The following ARHGAP5 variants were observed in gnomAD, a reference collection of about 807,000 sequenced individuals.
ARHGAP5 encodes Rho GTPase activating protein 5.
A neutral mutation model predicts 116.6 loss-of-function variants in ARHGAP5; 23 were observed. The observed-to-expected ratio is 0.20, with a 90% CI of 0.14 to 0.28. The LOEUF (loss-of-function observed/expected upper bound fraction) is 0.28. ARHGAP5 is among the 10% of genes least tolerant of loss of function. ARHGAP5 has a pLI of 1.00. For synonymous variants in ARHGAP5, 574 were observed against 602.0 expected (o/e 0.95, Z 0.68); for missense variants, 1,405 against 1,774.8 (o/e 0.79, Z 3.74).
rs150269761 is a variant in ARHGAP5, at chr14:32,139,921, A to G, written c.3866-6342A>G. ...CTTTTTTTTTTTCTAAAAGAAAAAT[A>G]AAAAGAAAACATTTATTTAAAACCA... On this transcript the variant is annotated intron_variant, in intron 3 of 6. Transcript: ENST00000345122. Among the ~76,000 whole-genome samples, 159 of 150,954 alleles carry G rather than the reference A, an allele frequency of 1.1e-3. 2 individuals carry two copies. The highest frequency in any genetic ancestry group is 3.6e-3 in the African/African-American group (148 of 41,440).
chr14:32,133,548 C>G, intron 3 of ARHGAP5, among the ~76,000 whole-genome samples: 1 of 152,132 alleles, frequency 6.6e-6, no homozygotes, highest in East Asian at 1.9e-4. Context: ...TTGACTTCCT[C>G]TTTTTCCTAA....
intron 2 of ARHGAP5, among the ~76,000 whole-genome samples, chr14:32,111,985 A>G (rs756622826): frequency 6.6e-6 from 1 of 151,170 alleles, no homozygotes. Flanking sequence ...TGCCCAGCTG[A>G]TTTTTGTATT....
intron 2 of ARHGAP5, among the ~76,000 whole-genome samples, chr14:32,099,836 G>A (rs1055463267): frequency 1.3e-5 from 2 of 152,130 alleles, no homozygotes; most frequent in African/African-American, 4.8e-5. Flanking sequence ...GGGCATTAAT[G>A]GCATCTAAGG....
chr14:32,140,087 G>GTTTT (rs1881028802), intron 3 of ARHGAP5, among the ~76,000 whole-genome samples: 11 of 29,850 alleles, frequency 3.7e-4, no homozygotes, highest in East Asian at 1.3e-3. Context: ...TTTTTTTTAG[G>GTTTT]TTATTTGTTC....
At chr14:32,153,304 G>A (rs997928831) in intron 6 of ARHGAP5, among the ~76,000 whole-genome samples, 9 of 147,010 alleles carry the variant, frequency 6.1e-5, no homozygotes, top group African/African-American at 2.2e-4. Context: ...TACTCAGGAG[G>A]CTTGGGGCGG....
rs182642686 is a variant in ARHGAP5, at chr14:32,121,096, C to T, written c.3865+3809C>T. On this transcript the variant is annotated intron_variant, in intron 3 of 6. Transcript: ENST00000345122. ...GCAGAGGTGTAACTTCAGCTAGTTG[C>T]AACCTCCACCTCCCCGGCTCAGGCA... Among the ~76,000 whole-genome samples, 641 of 138,740 alleles carry T rather than the reference C, an allele frequency of 4.6e-3. 1 individual carries two copies. The highest frequency in any genetic ancestry group is 6.6e-3 in the Non-Finnish European group (439 of 66,232). 91.0% of individuals were successfully genotyped at this position (138,740 alleles called of 152,430 possible). A position where few individuals can be genotyped will look rare whatever the true frequency, so the allele number is the denominator to read the frequency against.
intron 2 of ARHGAP5, among the ~76,000 whole-genome samples, chr14:32,116,318 C>T (rs1017184317): frequency 2.0e-5 from 3 of 150,292 alleles, no homozygotes; most frequent in South Asian, 2.1e-4. Context: ...AGGCTGGGCG[C>T]GGTGGCTCAC....
chr14:32,152,426 T>A lies in ARHGAP5; in HGVS notation c.4079T>A (p.Ile1360Asn), dbSNP rs1881679939. 1.3e-6 allele frequency: 2 copies of A among 1,586,934 alleles called. No homozygotes were observed. Among genetic ancestry groups the A allele is most frequent in the African/African-American group, 1.4e-5 (1 of 73,488 alleles). Reference protein sequence around the residue: ...LHPELLEAAKIPDKTERLHAL... With the variant: ...LHPELLEAAKNPDKTERLHAL... The stretch of plus-strand genomic sequence containing the variant: ...CTTCACTGTTTTAATTTTACAGAAA[T>A]CCCGGATAAAACAGAACGTCTTCAT... Residue 1360 changes from isoleucine (I) to asparagine (N), a missense_variant, in exon 6 of 7, where the codon ATC (isoleucine) becomes AAC (asparagine). By Grantham distance (149) the Ile-to-Asn change is moderately radical. Around this residue, in one of 6 missense-constraint regions of ARHGAP5, gnomAD observed 176 missense variants for 221.2 expected, o/e 0.80. Transcript: ENST00000345122.
At chr14:32,080,570 C>G (rs1220976997) in intron 1 of ARHGAP5, among the ~76,000 whole-genome samples, 2 of 151,738 alleles carry the variant, frequency 1.3e-5, no homozygotes, top group African/African-American at 4.8e-5. Flanking sequence ...TACTATGTGC[C>G]TAGCCCTGGA....
rs776755008 is a variant in ARHGAP5 at position 32,149,997 on chromosome 14, C to A, written c.4039C>A (p.Pro1347Thr). Residue 1347 changes from proline (P) to threonine (T), a missense_variant, in exon 5 of 7, where the codon CCA becomes ACA. Around this residue, in one of 6 missense-constraint regions of ARHGAP5, gnomAD observed 176 missense variants for 221.2 expected, o/e 0.80. Coordinates refer to ENST00000345122, the MANE Select transcript of ARHGAP5 (RefSeq NM_001030055.2). ...TGCAGATCTGCCAGATCCTTTAATT[C>A]CATATTCTCTTCATCCAGAACTATT... ...FFADLPDPLI[P>T]YSLHPELLEA... 28 of 1,607,392 alleles carry A rather than the reference C, an allele frequency of 1.7e-5. No homozygotes were observed. The highest frequency in any genetic ancestry group is 2.4e-5 in the Non-Finnish European group (28 of 1,176,980).
chr14:32,126,112 C>T (rs1880140994), intron 3 of ARHGAP5, among the ~76,000 whole-genome samples: 1 of 152,144 alleles, frequency 6.6e-6, no homozygotes, highest in South Asian at 2.1e-4. Flanking sequence ...GTGGCTTGAA[C>T]TTCCAGTGCA....
Position 32,157,350 on chromosome 14 carries a change from T to G in ARHGAP5, c.*2402T>G, listed in dbSNP as rs1415087358. The G allele has an allele frequency of 2.0e-5, 3 of 152,250 alleles. No homozygotes were observed. 9.4% of individuals were successfully genotyped at this position (152,250 alleles called of 1,614,324 possible). ...TAAGTTACTGGAAGGTTTCACTGTT[T>G]AGGGACCTATCATATGAGACTTCTT... On this transcript the variant is annotated 3_prime_UTR_variant, in exon 7 of 7. Coordinates refer to ENST00000345122, the MANE Select transcript of ARHGAP5 (RefSeq NM_001030055.2).
chr14:32,129,385 C>T (rs894603486), intron 3 of ARHGAP5, among the ~76,000 whole-genome samples: 6 of 152,122 alleles, frequency 3.9e-5, no homozygotes, highest in Admixed American at 6.5e-5. Context: ...TAATCTGGAA[C>T]GCCCCACTAT....
chr14:32,097,514 ACAT>A (rs1400265111), intron 2 of ARHGAP5, among the ~76,000 whole-genome samples: 1 of 152,186 alleles, frequency 6.6e-6, no homozygotes, highest in African/African-American at 2.4e-5. Flanking sequence ...TTTATAATAA[ACAT>A]CATCTATCAT....
At chr14:32,112,461 G>C (rs1451056724) in intron 2 of ARHGAP5, among the ~76,000 whole-genome samples, 1 of 152,184 alleles carries the variant, frequency 6.6e-6, no homozygotes, top group East Asian at 1.9e-4. Flanking sequence ...TGAATGGAAT[G>C]TTTGTTTTAC....
Position 32,091,934 on chromosome 14 carries a change from T to C in ARHGAP5, c.1265T>C (p.Ile422Thr). ...TATCAGAACCATGTACAGCATCTGA[T>C]ATCCGAGAAGAGGAGGGTGGAAATG... Reference protein sequence around the residue: ...KVYQNHVQHLISEKRRVEMKE... With the variant: ...KVYQNHVQHLTSEKRRVEMKE... The change falls in exon 2 of 7, where the codon ATA (isoleucine) becomes ACA (threonine). Residue 422 changes from isoleucine to threonine, a missense_variant. Physicochemically the swap from Ile to Thr is moderately conservative, Grantham distance 89. This residue lies in a region of ARHGAP5 where 944 missense variants were observed against 1,095.3 expected (regional missense o/e 0.86). Coordinates refer to ENST00000345122, the MANE Select transcript of ARHGAP5 (RefSeq NM_001030055.2). 1 of 1,613,702 alleles carries C rather than the reference T, an allele frequency of 6.2e-7. No homozygotes were observed. The highest frequency in any genetic ancestry group is 1.3e-5 in the African/African-American group (1 of 75,032).
chr14:32,138,858 G>T (rs192220501), intron 3 of ARHGAP5, among the ~76,000 whole-genome samples: 1 of 152,036 alleles, frequency 6.6e-6, no homozygotes. Flanking sequence ...GTCCTTGATC[G>T]TGTTGAAGAA....
At chr14:32,153,332 G>A (rs1257838472) in intron 6 of ARHGAP5, among the ~76,000 whole-genome samples, 3 of 133,850 alleles carry the variant, frequency 2.2e-5, no homozygotes, top group East Asian at 2.5e-4. Flanking sequence ...GCTTGAGCCC[G>A]GGAGGCGGAG....
chr14:32,126,569 C>T (rs1440392076), intron 3 of ARHGAP5, among the ~76,000 whole-genome samples: 1 of 152,196 alleles, frequency 6.6e-6, no homozygotes, highest in Non-Finnish European at 1.5e-5. Context: ...CCAATAAGGT[C>T]ACCTTCTAAG....
Sources: gnomAD v4.1 joint callset for allele counts (sites outside exome capture counted in the v4.1 genomes callset) on GRCh38, gnomAD v4.1.1 for gene constraint, gnomAD v4.1.1 regional missense constraint, MANE v1.5 for transcripts, NCBI Gene and HGNC (gene_info 2026-07-23, HGNC 2026-07-21) for gene names.